VWA8: variants seen among roughly 807,000 people sequenced by gnomAD.
The protein encoded by VWA8 is von Willebrand factor A domain-containing protein 8.
In VWA8, 221 loss-of-function variants were observed where a neutral mutation model predicts 241.5. That is an observed-to-expected ratio of 0.91 (90% CI 0.82 to 1.02). VWA8 has a LOEUF of 1.02. Among genes scored for constraint, VWA8 ranks in the 50% least tolerant of loss-of-function variants. VWA8 has a pLI of 0.00. For missense variants in VWA8, 2,322 were observed against 2,328.7 expected (o/e 1.00, Z 0.06); for synonymous variants, 852 against 827.1 (o/e 1.03, Z -0.52).
intron 17 of VWA8, among the ~76,000 whole-genome samples, chr13:41,808,751 C>T (rs1190175660): frequency 6.6e-6 from 1 of 151,854 alleles, no homozygotes; most frequent in South Asian, 2.1e-4. Context: ...GGAAAACCTA[C>T]CTAGAGCAAC....
intron 35 of VWA8, among the ~76,000 whole-genome samples, chr13:41,680,633 G>T (rs1332706562): frequency 6.6e-6 from 1 of 152,124 alleles, no homozygotes; most frequent in East Asian, 1.9e-4. Context: ...GTCAGAAAAA[G>T]GTAATGTGAA....
intron 21 of VWA8, among the ~76,000 whole-genome samples, chr13:41,736,844 CTTTTTTTT>C (rs5803100): frequency 0.021 from 2,760 of 128,486 alleles, 93 homozygotes; most frequent in African/African-American, 0.073. Context: ...TTTTTCTTTT[CTTTTTTTT>C]TTTTTTTTTT....
chr13:41,880,465 C>T (rs1026087530), intron 9 of VWA8, among the ~76,000 whole-genome samples: 2 of 152,186 alleles, frequency 1.3e-5, no homozygotes, highest in Admixed American at 6.5e-5. Flanking sequence ...TAATATAACA[C>T]TATTATCCAA....
intron 37 of VWA8, among the ~76,000 whole-genome samples, chr13:41,637,608 A>G (rs2044767824): frequency 6.6e-6 from 1 of 152,164 alleles, no homozygotes; most frequent in Non-Finnish European, 1.5e-5. Context: ...AAAGAACATC[A>G]GGAAGAAATG....
rs200935443 is a variant in VWA8 at position 41,951,398 on chromosome 13, C to T, written c.164-1385G>A. On this transcript the variant is annotated intron_variant, in intron 1 of 44. Coordinates refer to ENST00000379310, the MANE Select transcript of VWA8 (RefSeq NM_015058.2). ...CGCCACTGCACTCCAGCCTGGGCAACGGTGCGACACTCCGTCTCAAATAAA... is the reference window on the plus strand; with the variant it reads ...CGCCACTGCACTCCAGCCTGGGCAATGGTGCGACACTCCGTCTCAAATAAA... Among the ~76,000 whole-genome samples the T allele has an allele frequency of 1.5e-4, 23 of 152,242 alleles. No individual in the cohort carries two copies. In the East Asian group the frequency reaches 2.3e-3, roughly 15 times the overall value.
At chr13:41,909,348 C>T (rs957433603) in intron 3 of VWA8, among the ~76,000 whole-genome samples, 3 of 152,192 alleles carry the variant, frequency 2.0e-5, no homozygotes, top group Non-Finnish European at 4.4e-5. Flanking sequence ...GCATGAGCCA[C>T]CGCACCCAGT....
At chr13:41,623,601 C>T (rs1254674265) in intron 37 of VWA8, among the ~76,000 whole-genome samples, 1 of 152,160 alleles carries the variant, frequency 6.6e-6, no homozygotes, top group Admixed American at 6.5e-5. Context: ...GCACAGAAAT[C>T]CTAATTATTA....
At chr13:41,939,298 A>G (rs1877488410) in intron 2 of VWA8, among the ~76,000 whole-genome samples, 1 of 152,256 alleles carries the variant, frequency 6.6e-6, no homozygotes. Flanking sequence ...CTTCAAGCAC[A>G]AAAGCATGAA....
At chr13:41,941,011 AC>A (rs1877571664) in intron 2 of VWA8, among the ~76,000 whole-genome samples, 1 of 152,192 alleles carries the variant, frequency 6.6e-6, no homozygotes, top group Non-Finnish European at 1.5e-5. Flanking sequence ...ATAACAAAAA[AC>A]AAACAAAAAG....
chr13:41,843,844 T>C (rs551213246), intron 12 of VWA8, among the ~76,000 whole-genome samples: 1 of 152,040 alleles, frequency 6.6e-6, no homozygotes, highest in South Asian at 2.1e-4. Context: ...GAATCAGTAA[T>C]AAAAAACTTA....
At chr13:41,611,331 A>G (rs1442120404) in intron 39 of VWA8, among the ~76,000 whole-genome samples, 1 of 152,228 alleles carries the variant, frequency 6.6e-6, no homozygotes, top group Non-Finnish European at 1.5e-5. Flanking sequence ...GTTGCCTAGG[A>G]ACAGATAGAC....
At chr13:41,625,567 A>G (rs2044684493) in intron 37 of VWA8, among the ~76,000 whole-genome samples, 1 of 152,228 alleles carries the variant, frequency 6.6e-6, no homozygotes, top group African/African-American at 2.4e-5. Flanking sequence ...GCAATCATTA[A>G]AAAGTCAGGA....
At chr13:41,814,679 G>T (rs1306340864) in intron 16 of VWA8, among the ~76,000 whole-genome samples, 1 of 152,252 alleles carries the variant, frequency 6.6e-6, no homozygotes, top group East Asian at 1.9e-4. Context: ...TCATTCCAGG[G>T]ACAATATGGA....
At chr13:41,930,092 G>A (rs1218342110) in intron 2 of VWA8, among the ~76,000 whole-genome samples, 1 of 152,102 alleles carries the variant, frequency 6.6e-6, no homozygotes, top group Non-Finnish European at 1.5e-5. Flanking sequence ...TCCAAAGAAG[G>A]TGTAAAAATG....
intron 37 of VWA8, among the ~76,000 whole-genome samples, chr13:41,630,912 A>G (rs2044721832): frequency 6.6e-6 from 1 of 152,152 alleles, no homozygotes; most frequent in Admixed American, 6.5e-5. Flanking sequence ...TCTGCATACA[A>G]TCTTTTCCAC....
intron 21 of VWA8, among the ~76,000 whole-genome samples, chr13:41,738,161 G>T (rs1179716036): frequency 6.6e-6 from 1 of 152,156 alleles, no homozygotes; most frequent in Admixed American, 6.5e-5. Flanking sequence ...AGTCCTTTTA[G>T]TATGATAAGT....
At chr13:41,756,809 A>C (rs950708953) in intron 21 of VWA8, among the ~76,000 whole-genome samples, 16 of 151,730 alleles carry the variant, frequency 1.1e-4, no homozygotes, top group African/African-American at 3.9e-4. Context: ...AATTGATACT[A>C]TACACTTAAG....
chr13:41,900,496 A>G (rs1471005905), intron 4 of VWA8, among the ~76,000 whole-genome samples: 1 of 152,204 alleles, frequency 6.6e-6, no homozygotes, highest in Non-Finnish European at 1.5e-5. Flanking sequence ...ATGGACATGA[A>G]AGATTTCAAG....
rs746146791 is a variant in VWA8 at position 41,699,171 on chromosome 13, T to C, written c.3464A>G (p.Asp1155Gly). The C allele has an allele frequency of 2.8e-5, 46 of 1,614,044 alleles. No homozygotes were observed. In the East Asian group the frequency reaches 7.8e-4, roughly 27 times the overall value. ...GKSGFFVDFF[D>G]IFPRTANGVW... ...GCCATTGGCTGTTCTTGGGAAGATA[T>C]CAAAAAAGTCCACAAAGAAGCCACT... The change falls in exon 29 of 45, where the codon GAT becomes GGT. Residue 1155 changes from aspartate (D) to glycine (G), a missense_variant. By Grantham distance (94) the Asp-to-Gly change is moderately conservative. Transcript: ENST00000379310.
Sources: allele counts gnomAD v4.1 joint callset (sites outside exome capture counted in the v4.1 genomes callset), GRCh38; gene constraint gnomAD v4.1.1; transcripts MANE v1.5; gene names NCBI Gene and HGNC (gene_info 2026-07-23, HGNC 2026-07-21).